The following ZBTB46 variants were observed in gnomAD, a reference collection of about 807,000 sequenced individuals.
ZBTB46 encodes the protein zinc finger and BTB domain-containing protein 46.
ZBTB46 carries 8 observed loss-of-function variants against 44.1 expected under a neutral mutation model. The observed-to-expected ratio is 0.18, with a 90% CI of 0.11 to 0.33. The LOEUF is 0.33. Ranked by LOEUF, ZBTB46 falls within the 10% of genes least tolerant of loss-of-function variation. The pLI, the probability that ZBTB46 is intolerant of heterozygous loss-of-function variation, is 1.00. For synonymous variants in ZBTB46, 409 were observed against 382.3 expected, an observed-to-expected ratio of 1.07 and a Z score of -0.81; for missense variants, 651 against 847.7, an observed-to-expected ratio of 0.77 and a Z score of 2.88.
At chr20:63,766,167 T>A (rs941528400) in intron 3 of ZBTB46, among the ~76,000 whole-genome samples, 1 of 149,462 alleles carries the variant, frequency 6.7e-6, no homozygotes, top group Non-Finnish European at 1.5e-5. Context: ...GGTGCCCAGG[T>A]TGAGACATAT....
chr20:63,801,006 G>A (rs1334861459), intron 1 of ZBTB46, among the ~76,000 whole-genome samples: 1 of 152,228 alleles, frequency 6.6e-6, no homozygotes, highest in Non-Finnish European at 1.5e-5. Context: ...TGAGTCTGGT[G>A]GGGACTTGGA....
intron 2 of ZBTB46, among the ~76,000 whole-genome samples, chr20:63,781,303 A>G (rs2092468437): frequency 6.6e-6 from 1 of 152,212 alleles, no homozygotes; most frequent in Non-Finnish European, 1.5e-5. Flanking sequence ...ACACTTCCCC[A>G]AGGAAGAGAC....
intron 1 of ZBTB46, among the ~76,000 whole-genome samples, chr20:63,810,399 CA>C (rs2092710891): frequency 6.6e-6 from 1 of 152,150 alleles, no homozygotes; most frequent in African/African-American, 2.4e-5. Context: ...CGTGTCTGCA[CA>C]AGCTCACACA....
In ZBTB46 at chr20:63,790,008, T is replaced by G; in HGVS notation, c.750A>C (p.Ala250=). 6.2e-7 allele frequency: 1 copy of G among 1,614,130 alleles called. No individual in the cohort carries two copies. ...TCTGCTCTGAGAAAGAGTTCTGTAC[T>G]GCACCGTCCTTGGCAGAAGGCAGCT... ...GSELPSAKDG[A]VQNSFSEQSA... is the part of the protein sequence containing the mutation. The change falls in exon 2 of 5, where the codon GCA becomes GCC. Residue 250 remains alanine, a synonymous_variant. Transcript: ENST00000245663.
chr20:63,772,774 C>A (rs1005775723), intron 3 of ZBTB46, among the ~76,000 whole-genome samples: 3 of 149,198 alleles, frequency 2.0e-5, no homozygotes, highest in Non-Finnish European at 4.5e-5. Context: ...CACAGAAGTG[C>A]GGGGTGTGCC....
intron 2 of ZBTB46, 130 bp downstream of exon 2, chr20:63,789,691 G>T: frequency 6.9e-7 from 1 of 1,453,072 alleles, no homozygotes; most frequent in Non-Finnish European, 9.1e-7. Flanking sequence ...ACAACCTCCT[G>T]TAAGAGGAAG....
At position 63,781,565 on chromosome 20, in the gene ZBTB46, C is replaced by A. The variant is rs182563718; in HGVS notation, c.938-5603G>T. 3.9e-5 allele frequency among the ~76,000 whole-genome samples: 6 copies of A among 152,268 alleles called. No homozygotes were observed. In the South Asian group the frequency reaches 8.3e-4, roughly 21 times the overall value. ...CAGCACTGTAGGAGGCCGAGGCAGGCGGATCACCTGAGGTCAGGAGTTCGA... is the reference window on the plus strand; with the variant it reads ...CAGCACTGTAGGAGGCCGAGGCAGGAGGATCACCTGAGGTCAGGAGTTCGA... On this transcript the variant is annotated intron_variant, in intron 2 of 4. Coordinates refer to ENST00000245663, the MANE Select transcript of ZBTB46 (RefSeq NM_001369741.1).
intron 1 of ZBTB46, among the ~76,000 whole-genome samples, chr20:63,826,188 T>G (rs1008960659): frequency 6.6e-6 from 1 of 152,278 alleles, no homozygotes; most frequent in African/African-American, 2.4e-5. Flanking sequence ...TGTGATGCAC[T>G]TTTGTAAACG....
At chr20:63,749,558 G>A (rs775398728) in intron 4 of ZBTB46, among the ~76,000 whole-genome samples, 12 of 152,236 alleles carry the variant, frequency 7.9e-5, no homozygotes, top group South Asian at 4.1e-4. Flanking sequence ...GGATGGTCTC[G>A]ATCTCCTGAC....
chr20:63,744,511 A>G lies in ZBTB46; in HGVS notation c.*2419T>C, dbSNP rs930374878. 5.3e-5 allele frequency: 8 copies of G among 152,308 alleles called. No homozygotes were observed. Among genetic ancestry groups the G allele is most frequent in the Non-Finnish European group, 1.5e-5 (1 of 68,038 alleles). 9.4% of individuals were successfully genotyped at this position (152,308 alleles called of 1,614,324 possible). A position where few individuals can be genotyped will look rare whatever the true frequency, so the allele number is the denominator to read the frequency against. On this transcript the variant is annotated 3_prime_UTR_variant, in exon 5 of 5. Transcript: ENST00000245663. ...ACAAAAATACAAAATGTGAAATGTA[A>G]TCTACACATTTTTCCTCTTCATAAA...
intron 1 of ZBTB46, among the ~76,000 whole-genome samples, chr20:63,791,867 G>A (rs942212478): frequency 5.9e-5 from 9 of 152,298 alleles, no homozygotes; most frequent in East Asian, 3.9e-4. Flanking sequence ...TGAGTCCTCC[G>A]CCTGTTCTCG....
At chr20:63,781,410 C>T (rs960806886) in intron 2 of ZBTB46, among the ~76,000 whole-genome samples, 8 of 152,102 alleles carry the variant, frequency 5.3e-5, no homozygotes, top group African/African-American at 1.7e-4. Context: ...ACAGCCCAAT[C>T]GAAACACGGC....
chr20:63,824,470 A>G (rs77191537), intron 1 of ZBTB46, among the ~76,000 whole-genome samples: 4 of 152,212 alleles, frequency 2.6e-5, no homozygotes, highest in African/African-American at 9.6e-5. Context: ...CTTGAAAGCT[A>G]ATTTAGCAAA....
chr20:63,771,881 C>A (rs2092377548), intron 3 of ZBTB46, among the ~76,000 whole-genome samples: 2 of 152,300 alleles, frequency 1.3e-5, no homozygotes, highest in Admixed American at 1.3e-4. Flanking sequence ...TAACCTGTCC[C>A]CCGCCGAGTT....
At position 63,752,634 on chromosome 20, in the gene ZBTB46, G is replaced by GGACATC. The variant is rs2092179809; in HGVS notation, c.1398+46_1398+51dup. The GGACATC allele has an allele frequency of 9.6e-6, 14 of 1,454,938 alleles. 1 individual carries two copies. The highest frequency in any genetic ancestry group is 1.3e-5 in the Non-Finnish European group (14 of 1,101,358). 90.1% of individuals were successfully genotyped at this position (1,454,938 alleles called of 1,614,324 possible). A position where few individuals can be genotyped will look rare whatever the true frequency, so the allele number is the denominator to read the frequency against. On this transcript the variant is annotated intron_variant, in intron 4 of 4. Transcript: ENST00000245663. The surrounding 1 kb of genome is among the most constrained non-coding windows in gnomAD (Gnocchi z 5.6). ...CGCCCTCATCAGGACCCGCCTGCCC[G>GGACATC]GACATCGTGGCCACGCGCAGCGCGC...
At chr20:63,758,367 C>T (rs906293592) in intron 3 of ZBTB46, among the ~76,000 whole-genome samples, 11 of 151,846 alleles carry the variant, frequency 7.2e-5, no homozygotes, top group Admixed American at 3.9e-4. Flanking sequence ...CTGCCTTGCC[C>T]GTTCCTCCCC....
chr20:63,830,453 G>T (rs1425981241), intron 1 of ZBTB46, among the ~76,000 whole-genome samples: 5 of 150,474 alleles, frequency 3.3e-5, no homozygotes, highest in Admixed American at 3.3e-4. Flanking sequence ...AGGCCCCTGC[G>T]CCCCGGTTCG....
In ZBTB46 at chr20:63,801,192, G is replaced by A. The variant is rs547728348; in HGVS notation, c.-33-10402C>T. 4.7e-4 allele frequency among the ~76,000 whole-genome samples: 71 copies of A among 152,282 alleles called. 1 individual carries two copies. Among genetic ancestry groups the A allele is most frequent in the African/African-American group, 1.6e-3 (67 of 41,550 alleles). On this transcript the variant is annotated intron_variant, in intron 1 of 4. Transcript: ENST00000245663. ...GGGACTTAGAGAACCTTTATGTCTA[G>A]CTGAGGGATTGTAAATACACCAATC...
chr20:63,807,870 C>T (rs4809354), intron 1 of ZBTB46, among the ~76,000 whole-genome samples: 21,122 of 141,942 alleles, frequency 0.15, 2,066 homozygotes, highest in East Asian at 0.39. Context: ...GTCTGGCCTC[C>T]GAGGCCGTGT....
Sources: allele counts gnomAD v4.1 joint callset (sites outside exome capture counted in the v4.1 genomes callset), GRCh38; gene constraint gnomAD v4.1.1; non-coding constraint Gnocchi (gnomAD v3.1); transcripts MANE v1.5; gene names NCBI Gene and HGNC (gene_info 2026-07-23, HGNC 2026-07-21).